PPP1R9A: variants seen among roughly 807,000 people sequenced by gnomAD.
PPP1R9A encodes the protein neurabin-1.
In PPP1R9A, 59 loss-of-function variants were observed where a neutral mutation model predicts 141.9. The observed-to-expected ratio is 0.42, with a 90% CI of 0.34 to 0.52. The LOEUF (loss-of-function observed/expected upper bound fraction) is 0.52, where lower values mean the gene tolerates loss of function less well. Among genes scored for constraint, PPP1R9A ranks in the 20% least tolerant of loss-of-function variants. PPP1R9A has a pLI of 0.10. For synonymous variants in PPP1R9A, 500 were observed against 569.7 expected (o/e 0.88, Z 1.74); for missense variants, 1,444 against 1,611.9 (o/e 0.90, Z 1.78).
chr7:95,213,837 A>G (rs1273243836), intron 7 of PPP1R9A, among the ~76,000 whole-genome samples: 1 of 152,188 alleles, frequency 6.6e-6, no homozygotes, highest in Non-Finnish European at 1.5e-5. Context: ...AGCAAGAAGA[A>G]ATCAGGCTGC....
intron 2 of PPP1R9A, chr7:95,036,590 T>C (rs962995204): frequency 1.3e-5 from 2 of 152,208 alleles, no homozygotes; most frequent in Non-Finnish European, 2.9e-5. Context: ...GTAGTCACAA[T>C]TGCCTCTTGA....
intron 14 of PPP1R9A, 117 bp downstream of exon 14, chr7:95,269,624 T>C: frequency 1.3e-6 from 1 of 755,098 alleles, no homozygotes; most frequent in Non-Finnish European, 1.9e-6. Context: ...AATATTAATT[T>C]CTTTTTATAT....
Position 95,251,792 on chromosome 7 carries a change from A to G in PPP1R9A, c.2427A>G (p.Ala809=), listed in dbSNP as rs1054366222. The change falls in exon 11 of 20, where the codon GCA becomes GCG. Residue 809 remains alanine, a synonymous_variant. Transcript: ENST00000433360. ...KELDFIKRQE[A]ERKKIEDLEK... is the part of the protein sequence containing the mutation. ...TTGATTTCATCAAAAGACAGGAAGC[A>G]GAAAGAAAGAAAATAGAAGATTTGG... 2 of 1,613,702 alleles carry G rather than the reference A, an allele frequency of 1.2e-6. No individual in the cohort carries two copies. Among genetic ancestry groups the G allele is most frequent in the African/African-American group, 1.3e-5 (1 of 74,916 alleles).
At chr7:95,143,336 C>T (rs1827030783) in intron 4 of PPP1R9A, among the ~76,000 whole-genome samples, 1 of 152,082 alleles carries the variant, frequency 6.6e-6, no homozygotes, top group South Asian at 2.1e-4. Context: ...GGCCATTCTG[C>T]CTTGCTAGAA....
chr7:94,956,810 G>A (rs1026218798), intron 2 of PPP1R9A, among the ~76,000 whole-genome samples: 8 of 152,082 alleles, frequency 5.3e-5, no homozygotes, highest in African/African-American at 1.9e-4. Flanking sequence ...TACCCATAGT[G>A]CATAGTCAGT....
chr7:95,189,053 T>G (rs1236367841), intron 5 of PPP1R9A, among the ~76,000 whole-genome samples: 5 of 152,166 alleles, frequency 3.3e-5, no homozygotes. Context: ...AGCTTAGTTT[T>G]GCTGGATACA....
chr7:95,152,936 C>T (rs962465527), intron 4 of PPP1R9A, among the ~76,000 whole-genome samples: 6 of 151,214 alleles, frequency 4.0e-5, no homozygotes, highest in Non-Finnish European at 5.9e-5. Context: ...GCAACCTTCA[C>T]CTCCTGGGTT....
chr7:95,036,227 A>G (rs893153935), intron 2 of PPP1R9A: 1 of 152,226 alleles, frequency 6.6e-6, no homozygotes, highest in Non-Finnish European at 1.5e-5. Context: ...TAAAATAGAA[A>G]AATTAATGTA....
intron 14 of PPP1R9A, among the ~76,000 whole-genome samples, chr7:95,272,179 C>A (rs1226133304): frequency 6.6e-6 from 1 of 152,150 alleles, no homozygotes; most frequent in Non-Finnish European, 1.5e-5. Context: ...GTCTTCTCAG[C>A]GCTCATTGTA....
intron 4 of PPP1R9A, among the ~76,000 whole-genome samples, chr7:95,151,941 C>CTTGTTTTTTTT (rs1828754591): frequency 1.8e-5 from 1 of 54,446 alleles, no homozygotes; most frequent in Non-Finnish European, 3.2e-5. Context: ...TACTGAGAAT[C>CTTGTTTTTTTT]TTTTTTTTTT....
At chr7:95,139,265 C>T (rs917273347) in intron 4 of PPP1R9A, among the ~76,000 whole-genome samples, 27 of 152,150 alleles carry the variant, frequency 1.8e-4, no homozygotes, top group Non-Finnish European at 3.4e-4. Context: ...GAGTGCAGAG[C>T]GAAGGGGGAA....
At chr7:94,927,927 CACT>C (rs1793679577) in intron 2 of PPP1R9A, among the ~76,000 whole-genome samples, 1 of 152,150 alleles carries the variant, frequency 6.6e-6, no homozygotes, top group African/African-American at 2.4e-5. Flanking sequence ...AAAATTGGGA[CACT>C]TTTTGAGAAT....
chr7:94,958,088 G>A (rs1563047086), intron 2 of PPP1R9A, among the ~76,000 whole-genome samples: 2 of 152,082 alleles, frequency 1.3e-5, no homozygotes, highest in East Asian at 1.9e-4. Flanking sequence ...TTTGTATTTT[G>A]TGTGCAAAAA....
chr7:95,143,037 T>C (rs1345843773), intron 4 of PPP1R9A, among the ~76,000 whole-genome samples: 1 of 152,154 alleles, frequency 6.6e-6, no homozygotes, highest in Non-Finnish European at 1.5e-5. Flanking sequence ...CTGTGAAATA[T>C]CCTTGAATAT....
rs113520728 is a variant in PPP1R9A, at chr7:95,092,346, C to CTTT, written c.1396-18900_1396-18898dup. On this transcript the variant is annotated intron_variant, in intron 2 of 19. Coordinates refer to ENST00000433360, the MANE Select transcript of PPP1R9A (RefSeq NM_001166160.2). ...TCTTGTCTGTATCTTATACTACACG[C>CTTT]TTTTTTTTTTTTTTTGATTAAAGAC... 2.1e-3 allele frequency among the ~76,000 whole-genome samples: 295 copies of CTTT among 139,658 alleles called. 1 individual carries two copies. Among genetic ancestry groups the CTTT allele is most frequent in the African/African-American group, 3.9e-3 (149 of 38,290 alleles). The allele number at this position is 139,658 out of a possible 152,430, so 91.6% of individuals were successfully genotyped here.
chr7:95,196,448 A>G (rs1169327502), intron 5 of PPP1R9A, among the ~76,000 whole-genome samples: 5 of 152,208 alleles, frequency 3.3e-5, no homozygotes, highest in Admixed American at 6.5e-5. Flanking sequence ...CATTTACCAT[A>G]TGACTTATCA....
chr7:95,125,594 AC>A (rs1449928637), intron 4 of PPP1R9A, among the ~76,000 whole-genome samples: 1 of 152,218 alleles, frequency 6.6e-6, no homozygotes, highest in East Asian at 1.9e-4. Flanking sequence ...AGAGTAAATC[AC>A]ATGGATGGTA....
At chr7:94,979,084 A>G (rs1799795106) in intron 2 of PPP1R9A, among the ~76,000 whole-genome samples, 2 of 152,214 alleles carry the variant, frequency 1.3e-5, no homozygotes, top group South Asian at 2.1e-4. Flanking sequence ...GGCATGAGCT[A>G]CCATGTCCAG....
intron 2 of PPP1R9A, among the ~76,000 whole-genome samples, chr7:95,085,516 G>A (rs2152310734): frequency 6.7e-6 from 1 of 150,042 alleles, no homozygotes; most frequent in East Asian, 2.0e-4. Flanking sequence ...CTGGGTTCAA[G>A]CGATTCTCCT....
Sources: gnomAD v4.1 joint callset for allele counts (sites outside exome capture counted in the v4.1 genomes callset) on GRCh38, gnomAD v4.1.1 for gene constraint, MANE v1.5 for transcripts, NCBI Gene and HGNC (gene_info 2026-07-23, HGNC 2026-07-21) for gene names.